The following EYS variants were observed in gnomAD, a reference collection of about 807,000 sequenced individuals.
The protein encoded by EYS is protein eyes shut homolog.
EYS carries 250 observed loss-of-function variants against 282.1 expected under a neutral mutation model. The observed-to-expected ratio is 0.89, with a 90% CI of 0.80 to 0.98. The LOEUF is 0.98. Ranked by LOEUF, EYS falls within the 50% of genes least tolerant of loss-of-function variation. The probability of loss-of-function intolerance (pLI) is 0.00; values close to 1 mark genes in which losing one functional copy is unlikely to be tolerated. For missense variants in EYS, 4,016 were observed against 3,709.0 expected (o/e 1.08, Z -2.15); for synonymous variants, 1,355 against 1,282.9 (o/e 1.06, Z -1.20).
At chr6:64,899,403 T>C (rs1767577825) in intron 18 of EYS, among the ~76,000 whole-genome samples, 1 of 152,114 alleles carries the variant, frequency 6.6e-6, no homozygotes, top group Admixed American at 6.5e-5. Context: ...GGTATTCAAA[T>C]AGGAAGAGAG....
chr6:64,973,306 T>G (rs553123965), intron 14 of EYS, among the ~76,000 whole-genome samples: 170 of 152,168 alleles, frequency 1.1e-3, no homozygotes, highest in Non-Finnish European at 2.1e-3. Context: ...ACTGGGCAAA[T>G]AATCAATAAG....
intron 22 of EYS, among the ~76,000 whole-genome samples, chr6:64,710,732 G>T: frequency 6.6e-6 from 1 of 152,202 alleles, no homozygotes; most frequent in East Asian, 1.9e-4. Context: ...TTAAATAGAA[G>T]CTCACTTGCT....
At chr6:65,633,948 G>A (rs903013937) in intron 2 of EYS, among the ~76,000 whole-genome samples, 2 of 152,324 alleles carry the variant, frequency 1.3e-5, no homozygotes, top group South Asian at 4.1e-4. Context: ...TTGAATGTGT[G>A]CTGACCCCTG....
chr6:64,479,158 C>T (rs1447609865), intron 26 of EYS, among the ~76,000 whole-genome samples: 1 of 151,876 alleles, frequency 6.6e-6, no homozygotes, highest in Non-Finnish European at 1.5e-5. Context: ...AATTAATTAT[C>T]AAGAGATTAG....
chr6:64,327,571 G>C (rs911760330), intron 29 of EYS, among the ~76,000 whole-genome samples: 1 of 152,096 alleles, frequency 6.6e-6, no homozygotes, highest in Non-Finnish European at 1.5e-5. Flanking sequence ...TGGGCACCCA[G>C]ATCAGTTTCC....
At chr6:65,701,789 T>G (rs1236659266) in intron 1 of EYS, among the ~76,000 whole-genome samples, 1 of 152,208 alleles carries the variant, frequency 6.6e-6, no homozygotes, top group Non-Finnish European at 1.5e-5. Flanking sequence ...ACAGTGCATT[T>G]GTTGCATAAA....
At chr6:64,501,302 A>G (rs1168923953) in intron 26 of EYS, among the ~76,000 whole-genome samples, 2 of 152,114 alleles carry the variant, frequency 1.3e-5, no homozygotes, top group South Asian at 2.1e-4. Flanking sequence ...GTCAAATACT[A>G]AAATAAGTAA....
At chr6:63,932,472 G>T (rs1458387492) in intron 35 of EYS, among the ~76,000 whole-genome samples, 1 of 152,066 alleles carries the variant, frequency 6.6e-6, no homozygotes, top group Non-Finnish European at 1.5e-5. Flanking sequence ...CGTGTTACCT[G>T]GTTCAACACT....
At chr6:65,285,149 T>C (rs1768326088) in intron 12 of EYS, among the ~76,000 whole-genome samples, 1 of 152,016 alleles carries the variant, frequency 6.6e-6, no homozygotes, top group Admixed American at 6.6e-5. Flanking sequence ...TATGTTAAAA[T>C]TTAAAACATC....
intron 29 of EYS, among the ~76,000 whole-genome samples, chr6:64,307,812 AAC>A (rs1769511213): frequency 2.0e-4 from 5 of 24,848 alleles, no homozygotes; most frequent in Admixed American, 9.7e-4. Flanking sequence ...TGTATCTCAT[AAC>A]ATCATGTATC....
At chr6:64,525,714 A>G (rs1351281988) in intron 26 of EYS, among the ~76,000 whole-genome samples, 3 of 151,812 alleles carry the variant, frequency 2.0e-5, no homozygotes, top group South Asian at 2.1e-4. Flanking sequence ...AACAGTGACA[A>G]CACCAAAGAC....
At chr6:64,013,933 T>C (rs76650194) in intron 33 of EYS, among the ~76,000 whole-genome samples, 2,178 of 152,258 alleles carry the variant, frequency 0.014, 45 homozygotes, top group African/African-American at 0.049. Context: ...CCTACACATG[T>C]TCAGTTTACA....
chr6:63,857,580 G>T, intron 36 of EYS: 1 of 332,092 alleles, frequency 3.0e-6, no homozygotes, highest in South Asian at 2.7e-5. Flanking sequence ...ATGTTTCCTA[G>T]GGTGCTCCAT....
chr6:65,198,679 C>T (rs764914722), intron 12 of EYS, among the ~76,000 whole-genome samples: 2 of 152,082 alleles, frequency 1.3e-5, no homozygotes, highest in Non-Finnish European at 2.9e-5. Context: ...GCAACATAAT[C>T]TGACTTATGT....
At chr6:64,450,865 G>A (rs1334573374) in intron 26 of EYS, among the ~76,000 whole-genome samples, 1 of 152,140 alleles carries the variant, frequency 6.6e-6, no homozygotes, top group Non-Finnish European at 1.5e-5. Context: ...GCAGTGTATA[G>A]AGGGAAATTT....
intron 35 of EYS, among the ~76,000 whole-genome samples, chr6:63,950,065 C>G (rs895333086): frequency 2.6e-5 from 4 of 151,694 alleles, no homozygotes; most frequent in Non-Finnish European, 4.4e-5. Context: ...ACCAGCTACT[C>G]GGGAGGCTGA....
At chr6:63,896,877 G>A (rs767217436) in intron 35 of EYS, among the ~76,000 whole-genome samples, 1 of 151,854 alleles carries the variant, frequency 6.6e-6, no homozygotes, top group East Asian at 1.9e-4. Context: ...TTTTTTTCAC[G>A]TCTCAATAGG....
chr6:64,697,531 C>G (rs1241598098), intron 22 of EYS, among the ~76,000 whole-genome samples: 2 of 152,080 alleles, frequency 1.3e-5, no homozygotes, highest in Non-Finnish European at 2.9e-5. Flanking sequence ...GACTTTAGAC[C>G]AAATAAACCT....
In EYS at chr6:65,565,808, TG is replaced by T. The variant is rs909328338; in HGVS notation, c.-332-69816del. Among the ~76,000 whole-genome samples, 105 of 152,082 alleles carry T rather than the reference TG, an allele frequency of 6.9e-4. 1 individual carries two copies. Among genetic ancestry groups the T allele is most frequent in the African/African-American group, 2.4e-3 (98 of 41,492 alleles). On this transcript the variant is annotated intron_variant, in intron 2 of 42. Coordinates refer to ENST00000503581, the MANE Select transcript of EYS (RefSeq NM_001142800.2). ...TTCATGTCCTTTGTAGGGACATGGA[TG>T]AAGCTGGAAACCATCATTCTCAGCA...
Sources: gnomAD v4.1 joint callset for allele counts (sites outside exome capture counted in the v4.1 genomes callset) on GRCh38, gnomAD v4.1.1 for gene constraint, MANE v1.5 for transcripts, NCBI Gene and HGNC (gene_info 2026-07-23, HGNC 2026-07-21) for gene names.